Variants in HCN1 observed in about 807,000 individuals in gnomAD.
The protein encoded by HCN1 is hyperpolarization activated cyclic nucleotide gated potassium channel 1.
Under a neutral mutation model 78.9 loss-of-function variants are expected in HCN1, and 13 were observed. The ratio of observed to expected loss-of-function variants is 0.16; its 90% CI spans 0.11 to 0.26. The LOEUF is 0.26. Among genes scored for constraint, HCN1 ranks in the 10% least tolerant of loss-of-function variants. The pLI, the probability that HCN1 is intolerant of heterozygous loss-of-function variation, is 1.00. For synonymous variants in HCN1, 552 were observed against 455.5 expected, an observed-to-expected ratio of 1.21 and a Z score of -2.70; for missense variants, 810 against 1,154.3, an observed-to-expected ratio of 0.70 and a Z score of 4.32.
At chr5:45,575,340 CA>C (rs1445142604) in intron 2 of HCN1, 1 of 151,946 alleles carries the variant, frequency 6.6e-6, no homozygotes, top group African/African-American at 2.4e-5. Context: ...GACAAAAAAC[CA>C]AACACCACAT....
intron 1 of HCN1, among the ~76,000 whole-genome samples, chr5:45,678,358 A>G (rs987692154): frequency 1.3e-5 from 2 of 151,938 alleles, no homozygotes; most frequent in Admixed American, 6.6e-5. Flanking sequence ...TAGCAGACTC[A>G]AAGTCTAATA....
intron 4 of HCN1, among the ~76,000 whole-genome samples, chr5:45,379,915 T>C (rs1747768626): frequency 6.6e-6 from 1 of 151,936 alleles, no homozygotes; most frequent in Non-Finnish European, 1.5e-5. Flanking sequence ...GTGGTGATGA[T>C]TACATGACAA....
At position 45,695,894 on chromosome 5, in the gene HCN1, C is replaced by G. The variant is rs941855168; in HGVS notation, c.200G>C (p.Gly67Ala). The part of the protein sequence containing the change: ...VCFKVDGGGG[G>A]GGGGGGGEEP... ...CTCGCCGCCGCCGCCGCCGCCGCCA[C>G]CGCCGCCACCGCCGTCCACCTTGAA... The change falls in exon 1 of 8, where the codon GGT (glycine) becomes GCT (alanine). Residue 67 changes from glycine to alanine, a missense_variant. Gly to Ala is a moderately conservative substitution (Grantham distance 60, BLOSUM62 0). Transcript: ENST00000303230. 1 of 1,501,670 alleles carries G rather than the reference C, an allele frequency of 6.7e-7. No homozygotes were observed. The highest frequency in any genetic ancestry group is 8.8e-7 in the Non-Finnish European group (1 of 1,132,854). 93.0% of individuals were successfully genotyped at this position (1,501,670 alleles called of 1,614,324 possible).
chr5:45,659,099 A>G (rs1176561163), intron 1 of HCN1, among the ~76,000 whole-genome samples: 12 of 152,178 alleles, frequency 7.9e-5, no homozygotes, highest in Admixed American at 2.6e-4. Context: ...GCACGCAGCT[A>G]GAGATCTGAG....
intron 2 of HCN1, among the ~76,000 whole-genome samples, chr5:45,464,284 C>T (rs1057403240): frequency 3.3e-5 from 5 of 151,998 alleles, no homozygotes; most frequent in Non-Finnish European, 7.4e-5. Flanking sequence ...TTTAGAAACA[C>T]TTTTTGTTTT....
At chr5:45,459,342 A>C (rs910429976) in intron 3 of HCN1, among the ~76,000 whole-genome samples, 1 of 152,062 alleles carries the variant, frequency 6.6e-6, no homozygotes, top group Non-Finnish European at 1.5e-5. Flanking sequence ...TTACACATGG[A>C]AAAATGTTAA....
In HCN1 at chr5:45,260,873, A is replaced by G. The variant is rs1012015711; in HGVS notation, c.*1048T>C. ...GAAATACTGTAAGCCTTTCTCTACA[A>G]TGACTGATTTGAACCTATTTTTTTT... On this transcript the variant is annotated 3_prime_UTR_variant, in exon 8 of 8. Coordinates refer to ENST00000303230, the MANE Select transcript of HCN1 (RefSeq NM_021072.4). 6.6e-6 allele frequency: 1 copy of G among 152,564 alleles called. No individual in the cohort carries two copies. The highest frequency in any genetic ancestry group is 2.4e-5 in the African/African-American group (1 of 41,424). The allele number at this position is 152,564 out of a possible 1,614,324, so 9.5% of individuals were successfully genotyped here.
chr5:45,332,676 C>G (rs1283011212), intron 5 of HCN1, among the ~76,000 whole-genome samples: 1 of 151,498 alleles, frequency 6.6e-6, no homozygotes, highest in Non-Finnish European at 1.5e-5. Flanking sequence ...TTTTCTACTC[C>G]CTACCTTCAA....
intron 6 of HCN1, among the ~76,000 whole-genome samples, chr5:45,299,402 T>C (rs184048403): frequency 6.6e-6 from 1 of 152,128 alleles, no homozygotes; most frequent in Admixed American, 6.6e-5. Context: ...TCTACATCAA[T>C]ATCTTCATCT....
intron 2 of HCN1, among the ~76,000 whole-genome samples, chr5:45,637,801 T>C: frequency 6.6e-6 from 1 of 152,108 alleles, no homozygotes; most frequent in East Asian, 1.9e-4. Flanking sequence ...GCAAAGAGTT[T>C]CTCAGGTTGA....
intron 2 of HCN1, among the ~76,000 whole-genome samples, chr5:45,503,192 C>G (rs543893705): frequency 2.0e-5 from 3 of 152,234 alleles, no homozygotes; most frequent in East Asian, 3.9e-4. Flanking sequence ...GCAAACATCA[C>G]AGATAGGGCA....
At chr5:45,606,825 A>G (rs1212578553) in intron 2 of HCN1, among the ~76,000 whole-genome samples, 1 of 152,088 alleles carries the variant, frequency 6.6e-6, no homozygotes, top group East Asian at 1.9e-4. Flanking sequence ...AGGAGGATAA[A>G]CTAAATATTC....
intron 4 of HCN1, among the ~76,000 whole-genome samples, chr5:45,370,911 C>A (rs934438791): frequency 3.9e-5 from 6 of 151,916 alleles, no homozygotes; most frequent in African/African-American, 9.7e-5. Context: ...TTTAAAAATT[C>A]TTTTTACTGA....
chr5:45,385,000 CAACTT>C (rs1747884265), intron 4 of HCN1, among the ~76,000 whole-genome samples: 1 of 152,108 alleles, frequency 6.6e-6, no homozygotes, highest in Non-Finnish European at 1.5e-5. Flanking sequence ...ATTAAACAGA[CAACTT>C]TTAAACTAAG....
chr5:45,289,399 A>C (rs1378572097), intron 6 of HCN1, among the ~76,000 whole-genome samples: 2 of 152,044 alleles, frequency 1.3e-5, no homozygotes, highest in Admixed American at 1.3e-4. Flanking sequence ...ACTTTGTTGA[A>C]GTGTGCCTTC....
intron 6 of HCN1, among the ~76,000 whole-genome samples, chr5:45,294,933 G>A (rs1745458411): frequency 6.6e-6 from 1 of 152,060 alleles, no homozygotes; most frequent in South Asian, 2.1e-4. Context: ...TCAAGTCCAT[G>A]GCCTTGGCCA....
intron 1 of HCN1, among the ~76,000 whole-genome samples, chr5:45,686,337 C>A (rs1458941352): frequency 6.6e-6 from 1 of 151,974 alleles, no homozygotes; most frequent in Admixed American, 6.5e-5. Context: ...AATTCAACCA[C>A]CATAATTGTT....
intron 2 of HCN1, among the ~76,000 whole-genome samples, chr5:45,490,906 T>C (rs1741868295): frequency 6.6e-6 from 1 of 152,128 alleles, no homozygotes; most frequent in Non-Finnish European, 1.5e-5. Flanking sequence ...TTTTATCCAC[T>C]TCTTCCTCTC....
At chr5:45,368,773 G>C (rs1012021684) in intron 4 of HCN1, among the ~76,000 whole-genome samples, 21 of 151,888 alleles carry the variant, frequency 1.4e-4, no homozygotes, top group African/African-American at 4.8e-4. Flanking sequence ...TAAAGTTTTT[G>C]TTTTGCCATA....
Sources: gnomAD v4.1 joint callset for allele counts (sites outside exome capture counted in the v4.1 genomes callset) on GRCh38, gnomAD v4.1.1 for gene constraint, MANE v1.5 for transcripts, NCBI Gene and HGNC (gene_info 2026-07-23, HGNC 2026-07-21) for gene names.